P2RY6: variants seen among roughly 807,000 people sequenced by gnomAD.
P2RY6 encodes the protein P2Y purinoceptor 6.
A neutral mutation model predicts 16.3 loss-of-function variants in P2RY6; 19 were observed. The ratio of observed to expected loss-of-function variants is 1.16; its 90% CI spans 0.81 to 1.71. The LOEUF (loss-of-function observed/expected upper bound fraction) is 1.71. Among genes scored for constraint, P2RY6 ranks in the 40% most tolerant of loss-of-function variants. The probability of loss-of-function intolerance (pLI) is 0.00; values close to 1 mark genes in which losing one functional copy is unlikely to be tolerated. For synonymous variants in P2RY6, 184 were observed against 201.5 expected (o/e 0.91, Z 0.74); for missense variants, 389 against 455.5 (o/e 0.85, Z 1.33).
At position 73,290,351 on chromosome 11, in the gene P2RY6, G is replaced by GAAAGAAAT. The variant is rs1565170753; in HGVS notation, c.-120-5372_-120-5371insTAAAGAAA. ...AGAAAGAAAGAAAGAAAGAAAGAAA[G>GAAAGAAAT]AAAGAAAGAAAGAAGGAAAGAAAGA... On this transcript the variant is annotated intron_variant, in intron 1 of 2. Coordinates refer to ENST00000540124, the MANE Select transcript of P2RY6 (RefSeq NM_001277204.2). 4.0e-5 allele frequency among the ~76,000 whole-genome samples: 5 copies of GAAAGAAAT among 126,192 alleles called. No individual in the cohort carries two copies. The East Asian group carries it at 1.0e-3, about 26-fold the overall frequency. 82.8% of individuals were successfully genotyped at this position (126,192 alleles called of 152,430 possible).
chr11:73,293,576 C>CT (rs1864359048), intron 1 of P2RY6, among the ~76,000 whole-genome samples: 1 of 152,232 alleles, frequency 6.6e-6, no homozygotes, highest in African/African-American at 2.4e-5. Context: ...AGAGCACCCT[C>CT]CTTGAGGCCG....
At chr11:73,292,932 T>A in intron 1 of P2RY6, 1 of 941,608 alleles carries the variant, frequency 1.1e-6, no homozygotes. Flanking sequence ...TGAGTGTCAG[T>A]GCATCTTGGG....
rs11235704 is a variant in P2RY6, at chr11:73,265,550, C to T, written c.-281+901C>T. 20,715 of 121,796 alleles carry T rather than the reference C, an allele frequency of 0.17. 1,524 individuals are homozygous for T. Among genetic ancestry groups the T allele is most frequent in the Middle Eastern group, 0.2 (48 of 238 alleles). 7.5% of individuals were successfully genotyped at this position (121,796 alleles called of 1,614,324 possible). On this transcript the variant is annotated intron_variant, in intron 1 of 3. Coordinates refer to the P2RY6 transcript ENST00000349767. Reference sequence around the variant, plus strand: ...GAACTTGGACTCAGCAGGAGTGAGGCGGTGATGTTGGGTATGTGGTGTGTG... The same window carrying T: ...GAACTTGGACTCAGCAGGAGTGAGGTGGTGATGTTGGGTATGTGGTGTGTG...
At chr11:73,286,817 C>T (rs1209556568) in intron 1 of P2RY6, among the ~76,000 whole-genome samples, 1 of 152,158 alleles carries the variant, frequency 6.6e-6, no homozygotes, top group Admixed American at 6.5e-5. Flanking sequence ...GACTCTTGAC[C>T]TCCATTTCTT....
intron 1 of P2RY6, among the ~76,000 whole-genome samples, chr11:73,294,425 C>T (rs1409629863): frequency 6.6e-6 from 1 of 152,196 alleles, no homozygotes; most frequent in African/African-American, 2.4e-5. Flanking sequence ...ATGAGAATGG[C>T]CTGAACCAAT....
upstream of P2RY6, among the ~76,000 whole-genome samples, chr11:73,268,140 C>T (rs565709690): frequency 3.0e-4 from 45 of 152,318 alleles, no homozygotes; most frequent in African/African-American, 7.0e-4. Context: ...GAGCTGTTTC[C>T]GGGGCTGGGT....
chr11:73,279,756 G>A (rs1057165173), intron 1 of P2RY6, among the ~76,000 whole-genome samples: 4 of 152,190 alleles, frequency 2.6e-5, no homozygotes, highest in East Asian at 1.9e-4. Context: ...CCAATCACTG[G>A]TGAAGGGTCT....
At chr11:73,295,585 AC>A (rs1490966483) in intron 1 of P2RY6, 144 bp from the exon 2 acceptor site, 1 of 156,792 alleles carries the variant, frequency 6.4e-6, no homozygotes, top group African/African-American at 2.4e-5. Flanking sequence ...TCGGTCCCTC[AC>A]CCATCCGCCT....
intron 1 of P2RY6, among the ~76,000 whole-genome samples, chr11:73,285,890 C>T (rs1863952606): frequency 2.0e-5 from 3 of 152,308 alleles, no homozygotes; most frequent in South Asian, 2.1e-4. Flanking sequence ...TGCAGGGTGT[C>T]CTGGGGCAGC....
intron 1 of P2RY6, among the ~76,000 whole-genome samples, chr11:73,275,887 A>T (rs1405709148): frequency 6.6e-6 from 1 of 152,236 alleles, no homozygotes; most frequent in Non-Finnish European, 1.5e-5. Context: ...GATTTATCTT[A>T]TAATAACAGC....
intron 1 of P2RY6, among the ~76,000 whole-genome samples, chr11:73,290,366 G>A (rs67122131): frequency 0.014 from 1,192 of 85,522 alleles, 12 homozygotes; most frequent in African/African-American, 0.038. Flanking sequence ...AAAGAAAGAA[G>A]GAAAGAAAGA....
intron 1 of P2RY6, among the ~76,000 whole-genome samples, chr11:73,291,664 G>A (rs1469203643): frequency 1.3e-5 from 2 of 152,226 alleles, no homozygotes; most frequent in African/African-American, 2.4e-5. Context: ...AAATGGCTTT[G>A]GGGTGAGATC....
intron 1 of P2RY6, among the ~76,000 whole-genome samples, chr11:73,278,325 A>C (rs1863626024): frequency 1.3e-5 from 2 of 151,912 alleles, no homozygotes; most frequent in African/African-American, 4.8e-5. Context: ...ACGGCCAGCT[A>C]ATTTTTGTAT....
intron 1 of P2RY6, among the ~76,000 whole-genome samples, chr11:73,278,710 A>C (rs928269310): frequency 1.3e-5 from 2 of 152,242 alleles, no homozygotes; most frequent in Non-Finnish European, 2.9e-5. Flanking sequence ...TTCATTTTTT[A>C]AGGCTGAATA....
intron 1 of P2RY6, chr11:73,292,939 TG>T: frequency 1.6e-6 from 1 of 638,664 alleles, no homozygotes; most frequent in Non-Finnish European, 1.8e-6. Context: ...CAGTGCATCT[TG>T]GGGCCATGGG....
At chr11:73,266,162 G>A (rs754120709) in intron 1 of P2RY6, among the ~76,000 whole-genome samples, 1 of 152,170 alleles carries the variant, frequency 6.6e-6, no homozygotes, top group African/African-American at 2.4e-5. Flanking sequence ...GAGTATCTCT[G>A]AGGGATCCTT....
At chr11:73,267,214 G>C (rs2135676343) in intron 1 of P2RY6, among the ~76,000 whole-genome samples, 1 of 152,296 alleles carries the variant, frequency 6.6e-6, no homozygotes. Flanking sequence ...AAACTCCCAA[G>C]GAAGAGGTTA....
intron 2 of P2RY6, 29 bp from the exon 3 acceptor site, chr11:73,296,456 C>A: frequency 6.3e-7 from 1 of 1,575,328 alleles, no homozygotes; most frequent in South Asian, 1.2e-5. Context: ...GTGAGCATGT[C>A]ACTGACAGGC....
chr11:73,287,884 G>A (rs2135733922), intron 1 of P2RY6, among the ~76,000 whole-genome samples: 1 of 152,318 alleles, frequency 6.6e-6, no homozygotes, highest in Middle Eastern at 3.4e-3. Flanking sequence ...ACTTATACAG[G>A]CTGGGCACCA....
Sources: allele counts gnomAD v4.1 joint callset (sites outside exome capture counted in the v4.1 genomes callset), GRCh38; gene constraint gnomAD v4.1.1; transcripts MANE v1.5; gene names NCBI Gene and HGNC (gene_info 2026-07-23, HGNC 2026-07-21).